EYS: variants seen among roughly 807,000 people sequenced by gnomAD.
EYS encodes the protein EGF-like photoreceptor maintenance factor.
Under a neutral mutation model 282.1 loss-of-function variants are expected in EYS, and 250 were observed. That is an observed-to-expected ratio of 0.89 (90% CI 0.80 to 0.98). EYS has a LOEUF of 0.98. EYS is among the 50% of genes least tolerant of loss of function. The pLI is 0.00. For synonymous variants in EYS, 1,355 were observed against 1,282.9 expected (o/e 1.06, Z -1.20); for missense variants, 4,016 against 3,709.0 (o/e 1.08, Z -2.15).
At chr6:65,438,318 C>A (rs1466276560) in intron 5 of EYS, among the ~76,000 whole-genome samples, 6 of 152,006 alleles carry the variant, frequency 3.9e-5, no homozygotes, top group Non-Finnish European at 7.4e-5. Flanking sequence ...AATAAACATA[C>A]GTGTGCATGT....
intron 13 of EYS, among the ~76,000 whole-genome samples, chr6:65,019,176 A>G (rs530041875): frequency 1.5e-4 from 23 of 152,304 alleles, no homozygotes; most frequent in Admixed American, 3.9e-4. Context: ...TAGGAAAATT[A>G]TTTCTTTATA....
At chr6:64,126,182 G>A (rs986400324) in intron 31 of EYS, among the ~76,000 whole-genome samples, 4 of 151,990 alleles carry the variant, frequency 2.6e-5, no homozygotes, top group African/African-American at 9.7e-5. Flanking sequence ...AATACCATTT[G>A]ACCCAGCGAT....
At chr6:65,162,770 A>C (rs1052012253) in intron 12 of EYS, among the ~76,000 whole-genome samples, 3 of 151,158 alleles carry the variant, frequency 2.0e-5, no homozygotes, top group African/African-American at 7.3e-5. Context: ...AAAACTAAAA[A>C]TTAAAATGAG....
intron 37 of EYS, among the ~76,000 whole-genome samples, chr6:63,790,746 G>T (rs1014455283): frequency 1.3e-5 from 2 of 152,174 alleles, no homozygotes; most frequent in Non-Finnish European, 2.9e-5. Context: ...GAAGAAATTG[G>T]GAGGGGTGGA....
chr6:64,207,030 T>C (rs986528351), intron 31 of EYS, among the ~76,000 whole-genome samples: 4 of 152,156 alleles, frequency 2.6e-5, no homozygotes, highest in Non-Finnish European at 4.4e-5. Context: ...TGTGTCCATG[T>C]GTCCTCATCA....
At chr6:64,671,249 A>G (rs1769447878) in intron 22 of EYS, among the ~76,000 whole-genome samples, 2 of 152,108 alleles carry the variant, frequency 1.3e-5, no homozygotes, top group African/African-American at 4.8e-5. Context: ...ATGGTATTAG[A>G]AGGTGGAGCC....
At chr6:65,335,188 A>G in intron 10 of EYS, 42 bp from the exon 11 acceptor site, 1 of 1,290,932 alleles carries the variant, frequency 7.7e-7, no homozygotes, top group Non-Finnish European at 1.1e-6. Context: ...AATTCCCATC[A>G]CTTACTACAA....
At chr6:64,687,774 G>T (rs973309065) in intron 22 of EYS, among the ~76,000 whole-genome samples, 2 of 152,066 alleles carry the variant, frequency 1.3e-5, no homozygotes, top group Admixed American at 1.3e-4. Flanking sequence ...TCTATTGATT[G>T]GAATAGTTTC....
At chr6:64,232,441 G>T (rs545815069) in intron 30 of EYS, among the ~76,000 whole-genome samples, 88 of 152,260 alleles carry the variant, frequency 5.8e-4, no homozygotes, top group Admixed American at 1.2e-3. Flanking sequence ...CGAGGCTGGA[G>T]TGCAATGGTG....
intron 37 of EYS, 117 bp downstream of exon 37, chr6:63,806,073 A>AG (rs1233957749): frequency 1.2e-6 from 1 of 801,318 alleles, no homozygotes; most frequent in African/African-American, 1.7e-5. Context: ...AAACAGGAGG[A>AG]GGCTGCATCT....
chr6:64,526,938 A>G (rs1198425824), intron 26 of EYS, among the ~76,000 whole-genome samples: 1 of 151,818 alleles, frequency 6.6e-6, no homozygotes, highest in Non-Finnish European at 1.5e-5. Context: ...TAAGTGATCC[A>G]ACAGGTTATA....
intron 22 of EYS, among the ~76,000 whole-genome samples, chr6:64,779,711 G>C (rs1292593612): frequency 1.3e-5 from 2 of 152,134 alleles, no homozygotes; most frequent in Non-Finnish European, 2.9e-5. Context: ...GTTGATAAAA[G>C]AGGAAACTGG....
intron 2 of EYS, among the ~76,000 whole-genome samples, chr6:65,547,791 T>C (rs1010648082): frequency 6.6e-6 from 1 of 152,204 alleles, no homozygotes; most frequent in Non-Finnish European, 1.5e-5. Flanking sequence ...GTGACAATGT[T>C]GCAATTTGCC....
At chr6:64,865,582 T>C (rs1766401582) in intron 19 of EYS, among the ~76,000 whole-genome samples, 1 of 152,152 alleles carries the variant, frequency 6.6e-6, no homozygotes. Context: ...TTATAAGCCT[T>C]TTCAGTCATG....
At chr6:64,610,115 G>C (rs1222104017) in intron 24 of EYS, among the ~76,000 whole-genome samples, 1 of 152,046 alleles carries the variant, frequency 6.6e-6, no homozygotes, top group African/African-American at 2.4e-5. Context: ...ATATAGCCAA[G>C]CTTTTAATTC....
At chr6:64,771,974 GTAAA>G (rs1452271555) in intron 22 of EYS, among the ~76,000 whole-genome samples, 1 of 151,646 alleles carries the variant, frequency 6.6e-6, no homozygotes, top group Non-Finnish European at 1.5e-5. Flanking sequence ...CATCTCTCGT[GTAAA>G]TAGATACTGC....
chr6:64,427,521 T>A (rs73767804), intron 28 of EYS, among the ~76,000 whole-genome samples: 5,861 of 152,126 alleles, frequency 0.039, 367 homozygotes, highest in African/African-American at 0.13. Flanking sequence ...TGATTTAACT[T>A]GAAGCTTGCT....
At chr6:64,368,595 T>C (rs907516658) in intron 29 of EYS, among the ~76,000 whole-genome samples, 3 of 152,150 alleles carry the variant, frequency 2.0e-5, no homozygotes, top group African/African-American at 4.8e-5. Context: ...TTTTTAATAA[T>C]AGCCATTCTG....
At position 64,967,285 on chromosome 6, in the gene EYS, A is replaced by G. The variant is rs1374294303; in HGVS notation, c.2260-21371T>C. On this transcript the variant is annotated intron_variant, in intron 14 of 42. Coordinates refer to ENST00000503581, the MANE Select transcript of EYS (RefSeq NM_001142800.2). Reference sequence around the variant, plus strand: ...TTCATGGGACAAAATCTAAACTTACACTTTGGAATAAGCTGTTCACTGTAG... The same window carrying G: ...TTCATGGGACAAAATCTAAACTTACGCTTTGGAATAAGCTGTTCACTGTAG... Among the ~76,000 whole-genome samples, 3 of 151,336 alleles carry G rather than the reference A, an allele frequency of 2.0e-5. No homozygotes were observed. The East Asian group carries it at 5.8e-4, about 29-fold the overall frequency.
Sources: allele counts gnomAD v4.1 joint callset (sites outside exome capture counted in the v4.1 genomes callset), GRCh38; gene constraint gnomAD v4.1.1; transcripts MANE v1.5; gene names NCBI Gene and HGNC (gene_info 2026-07-23, HGNC 2026-07-21).